The following EXT1 variants were observed in gnomAD, a reference collection of about 807,000 sequenced individuals.
EXT1 encodes the protein exostosin-1.
A neutral mutation model predicts 82.5 loss-of-function variants in EXT1; 20 were observed. That is an observed-to-expected ratio of 0.24 (90% CI 0.17 to 0.35). EXT1 has a LOEUF of 0.35. EXT1 is among the 10% of genes least tolerant of loss of function. The pLI is 1.00. For missense variants in EXT1, 757 were observed against 936.5 expected (o/e 0.81, Z 2.50); for synonymous variants, 348 against 350.8 (o/e 0.99, Z 0.09).
chr8:117,977,655 G>A (rs1326798576), intron 1 of EXT1, among the ~76,000 whole-genome samples: 3 of 152,152 alleles, frequency 2.0e-5, no homozygotes, highest in African/African-American at 7.2e-5. Context: ...ATTAATCCTT[G>A]CATGAAAGAA....
intron 1 of EXT1, among the ~76,000 whole-genome samples, chr8:117,889,391 T>A (rs905310853): frequency 1.3e-5 from 2 of 152,180 alleles, no homozygotes; most frequent in Non-Finnish European, 2.9e-5. Context: ...TTCAACAAAT[T>A]TAGCTCAGGG....
intron 1 of EXT1, among the ~76,000 whole-genome samples, chr8:117,958,359 T>C (rs1420819270): frequency 6.6e-6 from 1 of 152,200 alleles, no homozygotes; most frequent in Non-Finnish European, 1.5e-5. Context: ...TTCCCATATA[T>C]GACCCTAAAC....
At chr8:117,928,668 T>A (rs544737417) in intron 1 of EXT1, among the ~76,000 whole-genome samples, 1 of 152,044 alleles carries the variant, frequency 6.6e-6, no homozygotes, top group Admixed American at 6.6e-5. Flanking sequence ...GGTTCAGATA[T>A]CACATCTAAT....
At chr8:117,855,548 C>T (rs769013924) in intron 1 of EXT1, among the ~76,000 whole-genome samples, 30 of 152,180 alleles carry the variant, frequency 2.0e-4, no homozygotes, top group Non-Finnish European at 2.8e-4. Context: ...CAGCCATTTC[C>T]CCTCCCTCTC....
Position 118,111,358 on chromosome 8 carries a change from A to T in EXT1, c.-312T>A. 1 of 563,176 alleles carries T rather than the reference A, an allele frequency of 1.8e-6. No homozygotes were observed. Among genetic ancestry groups the T allele is most frequent in the Non-Finnish European group, 3.1e-6 (1 of 318,600 alleles). 34.9% of individuals were successfully genotyped at this position (563,176 alleles called of 1,614,324 possible). ...TTTCTTGCATGCAACAAGACGGAGG[A>T]AAAGAAAGAGAGAGGGGAGAAAAAA... On this transcript the variant is annotated 5_prime_UTR_variant, in exon 1 of 11. Coordinates refer to ENST00000378204, the MANE Select transcript of EXT1 (RefSeq NM_000127.3).
At chr8:118,048,147 G>C (rs1025336437) in intron 1 of EXT1, among the ~76,000 whole-genome samples, 1 of 152,218 alleles carries the variant, frequency 6.6e-6, no homozygotes, top group Admixed American at 6.5e-5. Context: ...TCAATGCATT[G>C]TTCAGATGAA....
intron 1 of EXT1, among the ~76,000 whole-genome samples, chr8:118,004,916 C>T (rs1815743669): frequency 6.6e-6 from 1 of 152,204 alleles, no homozygotes; most frequent in African/African-American, 2.4e-5. Context: ...CTGAGAGCTG[C>T]AGCCACTTTC....
At chr8:117,966,011 CAT>C (rs571314898) in intron 1 of EXT1, among the ~76,000 whole-genome samples, 8 of 151,186 alleles carry the variant, frequency 5.3e-5, no homozygotes, top group South Asian at 4.2e-4. Context: ...CACACACACA[CAT>C]ATATACACAC....
chr8:118,027,317 A>T (rs1393509496), intron 1 of EXT1, among the ~76,000 whole-genome samples: 3 of 44,366 alleles, frequency 6.8e-5, no homozygotes, highest in African/African-American at 5.6e-4. Flanking sequence ...TTTCTTTCAC[A>T]CACACACACA....
intron 1 of EXT1, among the ~76,000 whole-genome samples, chr8:117,954,185 C>A (rs1468276557): frequency 6.6e-6 from 1 of 152,192 alleles, no homozygotes; most frequent in Non-Finnish European, 1.5e-5. Context: ...AATGGAAGCC[C>A]AGCTCTGACT....
chr8:117,941,271 G>GT (rs1814267410), intron 1 of EXT1, among the ~76,000 whole-genome samples: 1 of 152,200 alleles, frequency 6.6e-6, no homozygotes, highest in Non-Finnish European at 1.5e-5. Flanking sequence ...ACGTATCATG[G>GT]TAAGATGTTC....
chr8:118,085,058 T>C (rs1435798901), intron 1 of EXT1, among the ~76,000 whole-genome samples: 1 of 152,212 alleles, frequency 6.6e-6, no homozygotes, highest in African/African-American at 2.4e-5. Flanking sequence ...ATGTTTCGAT[T>C]GTTAAGCATC....
At chr8:118,002,518 G>A (rs1006390410) in intron 1 of EXT1, among the ~76,000 whole-genome samples, 2 of 142,702 alleles carry the variant, frequency 1.4e-5, no homozygotes, top group African/African-American at 2.6e-5. Context: ...AAAACAGTGT[G>A]AATATTTTTC....
chr8:117,997,151 G>A (rs1344221049), intron 1 of EXT1, among the ~76,000 whole-genome samples: 1 of 151,580 alleles, frequency 6.6e-6, no homozygotes, highest in African/African-American at 2.4e-5. Flanking sequence ...TAGGGAAGAG[G>A]GAGAGTCTTC....
Position 117,799,687 on chromosome 8 carries a change from C to T in EXT1, c.*25G>A. ...GCTTGACCCCCATCCCTTCTTGCTT[C>T]CCCTCCCCCACTCAGCCGGATTCCT... On this transcript the variant is annotated 3_prime_UTR_variant, in exon 11 of 11. Coordinates refer to ENST00000378204, the MANE Select transcript of EXT1 (RefSeq NM_000127.3). 6.2e-7 allele frequency: 1 copy of T among 1,613,586 alleles called. No individual in the cohort carries two copies. Among genetic ancestry groups the T allele is most frequent in the Non-Finnish European group, 8.5e-7 (1 of 1,179,748 alleles).
chr8:117,831,091 T>C (rs1045678768), intron 3 of EXT1, among the ~76,000 whole-genome samples: 1 of 152,186 alleles, frequency 6.6e-6, no homozygotes, highest in African/African-American at 2.4e-5. Context: ...GAGGTGAATA[T>C]AACCATCTGA....
intron 1 of EXT1, among the ~76,000 whole-genome samples, chr8:118,086,543 C>T (rs1031343853): frequency 2.0e-5 from 3 of 151,792 alleles, no homozygotes; most frequent in Non-Finnish European, 4.4e-5. Flanking sequence ...CCAGTAAGCA[C>T]GCAAAGTGAT....
At chr8:118,091,356 C>T (rs557020788) in intron 1 of EXT1, among the ~76,000 whole-genome samples, 1 of 152,154 alleles carries the variant, frequency 6.6e-6, no homozygotes, top group Non-Finnish European at 1.5e-5. Flanking sequence ...CTATTTCGAA[C>T]CTCAAGGAGG....
At chr8:118,015,881 G>C (rs925683058) in intron 1 of EXT1, among the ~76,000 whole-genome samples, 2 of 152,224 alleles carry the variant, frequency 1.3e-5, no homozygotes, top group African/African-American at 2.4e-5. Flanking sequence ...TGAAGACAGA[G>C]AGAGATGCAC....
Sources: gnomAD v4.1 joint callset for allele counts (sites outside exome capture counted in the v4.1 genomes callset) on GRCh38, gnomAD v4.1.1 for gene constraint, MANE v1.5 for transcripts, NCBI Gene and HGNC (gene_info 2026-07-23, HGNC 2026-07-21) for gene names.